The following CACNA2D1 variants were observed in gnomAD, a reference collection of about 807,000 sequenced individuals.
CACNA2D1 encodes the protein calcium voltage-gated channel auxiliary subunit alpha2delta 1, also known as voltage-dependent calcium channel subunit alpha-2/delta-1.
CACNA2D1 carries 53 observed loss-of-function variants against 171.5 expected under a neutral mutation model. That is an observed-to-expected ratio of 0.31 (90% confidence interval 0.25 to 0.39). CACNA2D1 has a LOEUF of 0.39. Ranked by LOEUF, CACNA2D1 falls within the 10% of genes least tolerant of loss-of-function variation. The pLI is 1.00. For missense variants in CACNA2D1, 903 were observed against 1,299.8 expected (o/e 0.69, Z 4.69); for synonymous variants, 442 against 443.1 (o/e 1.00, Z 0.03).
At chr7:81,959,586 G>A (rs1449758031) in intron 37 of CACNA2D1, 134 bp downstream of exon 37, 7 of 1,004,422 alleles carry the variant, frequency 7.0e-6, no homozygotes, top group South Asian at 1.4e-5. Context: ...TTTTGAGTGA[G>A]GAATCGATTC....
intron 4 of CACNA2D1, among the ~76,000 whole-genome samples, chr7:82,149,834 G>A (rs1322791636): frequency 1.3e-5 from 2 of 151,514 alleles, no homozygotes; most frequent in African/African-American, 4.8e-5. Flanking sequence ...GTAGGCGCCT[G>A]TAGTCCCAGC....
At chr7:82,164,994 T>C (rs1256261450) in intron 4 of CACNA2D1, among the ~76,000 whole-genome samples, 1 of 151,930 alleles carries the variant, frequency 6.6e-6, no homozygotes, top group Non-Finnish European at 1.5e-5. Flanking sequence ...GTGGCAGTAA[T>C]CTACTCCAGA....
intron 3 of CACNA2D1, among the ~76,000 whole-genome samples, chr7:82,302,163 T>C (rs1813095041): frequency 6.6e-6 from 1 of 152,200 alleles, no homozygotes; most frequent in East Asian, 1.9e-4. Context: ...CATATAACTG[T>C]ACCCCTTATT....
chr7:81,982,897 C>A, intron 23 of CACNA2D1: 2 of 547,254 alleles, frequency 3.7e-6, no homozygotes, highest in Non-Finnish European at 6.5e-6. Context: ...TCTAACCCTA[C>A]TATAACCGAA....
At chr7:82,077,270 G>C (rs1331568966) in intron 7 of CACNA2D1, among the ~76,000 whole-genome samples, 2 of 152,128 alleles carry the variant, frequency 1.3e-5, no homozygotes, top group Non-Finnish European at 2.9e-5. Flanking sequence ...CATTTAGCTG[G>C]ATATATGGCC....
intron 1 of CACNA2D1, among the ~76,000 whole-genome samples, chr7:82,361,013 T>G (rs568775069): frequency 1.3e-5 from 2 of 152,340 alleles, no homozygotes; most frequent in South Asian, 4.1e-4. Context: ...GAAACAGGAA[T>G]GAAGCCTTCA....
intron 6 of CACNA2D1, among the ~76,000 whole-genome samples, chr7:82,098,920 G>A (rs544546977): frequency 3.9e-5 from 6 of 152,252 alleles, no homozygotes; most frequent in African/African-American, 9.6e-5. Flanking sequence ...TCAGTAAGAT[G>A]TAATACCAAA....
At chr7:82,158,379 T>C (rs922100584) in intron 4 of CACNA2D1, among the ~76,000 whole-genome samples, 2 of 151,868 alleles carry the variant, frequency 1.3e-5, no homozygotes, top group Non-Finnish European at 2.9e-5. Context: ...ATGAAATGTA[T>C]TGGCAATGTG....
chr7:82,027,902 A>G (rs1399485081), intron 12 of CACNA2D1: 1 of 152,010 alleles, frequency 6.6e-6, no homozygotes, highest in Non-Finnish European at 1.5e-5. Context: ...GAAAAAAGGC[A>G]TCTCTATAAC....
At chr7:82,060,667 TAAA>T in intron 9 of CACNA2D1, 140 bp from the exon 10 acceptor site, 1 of 512,586 alleles carries the variant, frequency 2.0e-6, no homozygotes, top group Non-Finnish European at 3.3e-6. Context: ...AAAATCAGTT[TAAA>T]AAGTTACATT....
chr7:82,159,395 C>T (rs1185856824), intron 4 of CACNA2D1, among the ~76,000 whole-genome samples: 1 of 151,774 alleles, frequency 6.6e-6, no homozygotes, highest in Non-Finnish European at 1.5e-5. Context: ...CATCAAGTTT[C>T]CAAGCTACCT....
At chr7:82,029,266 TATTCTTTA>T (rs1562892084) in intron 12 of CACNA2D1, 1 of 151,690 alleles carries the variant, frequency 6.6e-6, no homozygotes, top group Non-Finnish European at 1.5e-5. Context: ...AAGAATAGAG[TATTCTTTA>T]ATTAAGGTAT....
chr7:81,957,770 A>G (rs539142327), intron 38 of CACNA2D1, among the ~76,000 whole-genome samples: 20 of 152,302 alleles, frequency 1.3e-4, no homozygotes, highest in African/African-American at 3.8e-4. Flanking sequence ...TTGTACTTTC[A>G]CACACAACCC....
At chr7:82,258,851 G>A (rs1365118644) in intron 3 of CACNA2D1, among the ~76,000 whole-genome samples, 1 of 77,190 alleles carries the variant, frequency 1.3e-5, no homozygotes, top group Non-Finnish European at 2.5e-5. Context: ...AGACAGTTTC[G>A]CTCCGTTGCA....
At chr7:82,154,211 T>C (rs1353381448) in intron 4 of CACNA2D1, among the ~76,000 whole-genome samples, 1 of 152,210 alleles carries the variant, frequency 6.6e-6, no homozygotes, top group Admixed American at 6.5e-5. Context: ...TATCTGCATA[T>C]GTAATGATTA....
intron 24 of CACNA2D1, among the ~76,000 whole-genome samples, chr7:81,979,687 A>C (rs931841918): frequency 2.6e-5 from 4 of 152,282 alleles, no homozygotes; most frequent in African/African-American, 9.6e-5. Context: ...CTTAATACTG[A>C]GAAAATTCTT....
intron 3 of CACNA2D1, among the ~76,000 whole-genome samples, chr7:82,250,030 C>T (rs1467398959): frequency 6.6e-6 from 1 of 152,312 alleles, no homozygotes; most frequent in Admixed American, 6.5e-5. Context: ...CTAGCACCAG[C>T]GAGGGTCTTC....
intron 3 of CACNA2D1, among the ~76,000 whole-genome samples, chr7:82,202,213 G>A (rs1461134714): frequency 2.0e-5 from 3 of 152,170 alleles, no homozygotes; most frequent in Non-Finnish European, 4.4e-5. Context: ...CTTGCACCCA[G>A]GCGCGTACCC....
chr7:82,274,325 A>G (rs906351685), intron 3 of CACNA2D1, among the ~76,000 whole-genome samples: 2 of 152,212 alleles, frequency 1.3e-5, no homozygotes, highest in African/African-American at 2.4e-5. Context: ...CTTTTATACT[A>G]TAAAAAGTCT....
Sources: allele counts gnomAD v4.1 joint callset (sites outside exome capture counted in the v4.1 genomes callset), GRCh38; gene constraint gnomAD v4.1.1; transcripts MANE v1.5; gene names NCBI Gene and HGNC (gene_info 2026-07-23, HGNC 2026-07-21).